The following NAA11 variants were observed in gnomAD, a reference collection of about 807,000 sequenced individuals.
NAA11 encodes the protein N-alpha-acetyltransferase 11.
In NAA11, 15 loss-of-function variants were observed where a neutral mutation model predicts 16.1. That is an observed-to-expected ratio of 0.93 (90% CI 0.62 to 1.44). The LOEUF (loss-of-function observed/expected upper bound fraction) is 1.44, where lower values mean the gene tolerates loss of function less well. NAA11 is among the 40% of genes most tolerant of loss of function. NAA11 has a pLI of 0.00. For missense variants in NAA11, 298 were observed against 291.3 expected, an observed-to-expected ratio of 1.02 and a Z score of -0.17; for synonymous variants, 122 against 112.4, an observed-to-expected ratio of 1.09 and a Z score of -0.54.
rs559922543 is a variant in NAA11 at position 79,317,394 on chromosome 4, A to G, written c.*410T>C. 6.6e-6 allele frequency: 1 copy of G among 152,160 alleles called. No homozygotes were observed. Among genetic ancestry groups the G allele is most frequent in the Non-Finnish European group, 1.5e-5 (1 of 68,072 alleles). The allele number at this position is 152,160 out of a possible 1,614,324, so 9.4% of individuals were successfully genotyped here. On this transcript the variant is annotated 3_prime_UTR_variant, in exon 2 of 2. Coordinates refer to ENST00000286794, the MANE Select transcript of NAA11 (RefSeq NM_032693.3). ...CTCAAGGATGAAAACTCAGGTAAAT[A>G]ATGGTTAAAAAACAAAAACAAAAAC...
chr4:79,296,810 A>G (rs1057276113), intron 1 of NAA11, among the ~76,000 whole-genome samples: 4 of 152,142 alleles, frequency 2.6e-5, no homozygotes, highest in Non-Finnish European at 4.4e-5. Context: ...ATCCCCACCC[A>G]TAGACCACTG....
the NAA11 span, among the ~76,000 whole-genome samples, chr4:79,201,034 T>C: frequency 1.3e-5 from 2 of 151,716 alleles, no homozygotes; most frequent in Non-Finnish European, 2.9e-5. Context: ...TATATAGCGT[T>C]TTATATTGTG....
chr4:79,289,046 AC>A (rs1254836528), intron 2 of NAA11, among the ~76,000 whole-genome samples: 2 of 152,254 alleles, frequency 1.3e-5, no homozygotes, highest in Non-Finnish European at 2.9e-5. Context: ...CAAGGGACAT[AC>A]AAATGGTTTT....
chr4:79,288,179 T>C (rs181234728), intron 2 of NAA11, among the ~76,000 whole-genome samples: 21 of 152,264 alleles, frequency 1.4e-4, no homozygotes, highest in Admixed American at 7.2e-4. Context: ...TGTTTGCTGT[T>C]TTCCTTCTTT....
At chr4:79,243,562 T>C (rs578120018) in intron 2 of NAA11, among the ~76,000 whole-genome samples, 2 of 152,354 alleles carry the variant, frequency 1.3e-5, no homozygotes, top group Admixed American at 1.3e-4. Context: ...CTGCATTTAT[T>C]GTATGTTTAC....
the NAA11 span, among the ~76,000 whole-genome samples, chr4:79,183,553 T>A: frequency 2.0e-5 from 3 of 152,152 alleles, no homozygotes; most frequent in Admixed American, 1.3e-4. Context: ...AGATGAACTC[T>A]TGACCATTGC....
At chr4:79,203,997 A>G in the NAA11 span, among the ~76,000 whole-genome samples, 2 of 151,912 alleles carry the variant, frequency 1.3e-5, no homozygotes, top group Non-Finnish European at 2.9e-5. Context: ...GCATAAATTA[A>G]AATAATATTC....
At chr4:79,253,254 C>A (rs1489017971) in intron 2 of NAA11, among the ~76,000 whole-genome samples, 5 of 152,142 alleles carry the variant, frequency 3.3e-5, no homozygotes, top group Admixed American at 1.3e-4. Flanking sequence ...ATGTGTTACA[C>A]TTAGATGCCT....
intron 2 of NAA11, among the ~76,000 whole-genome samples, chr4:79,288,273 G>A (rs191487624): frequency 6.6e-6 from 1 of 152,140 alleles, no homozygotes; most frequent in Admixed American, 6.6e-5. Flanking sequence ...AATACATAAA[G>A]TACCAAATAT....
At chr4:79,193,054 T>C in the NAA11 span, among the ~76,000 whole-genome samples, 14 of 151,772 alleles carry the variant, frequency 9.2e-5, no homozygotes, top group South Asian at 6.3e-4. Flanking sequence ...TCATATCCTT[T>C]GCCCACTTTT....
At chr4:79,318,824 G>A (rs1420263479) in intron 1 of NAA11, among the ~76,000 whole-genome samples, 1 of 152,132 alleles carries the variant, frequency 6.6e-6, no homozygotes, top group Non-Finnish European at 1.5e-5. Context: ...AAATTAAACT[G>A]AAAAAGTCAA....
At chr4:79,296,960 G>A (rs79191591) in intron 1 of NAA11, among the ~76,000 whole-genome samples, 6,346 of 152,236 alleles carry the variant, frequency 0.042, 481 homozygotes, top group African/African-American at 0.14. Context: ...CATCAGGGAG[G>A]CACAGGCAGT....
chr4:79,252,485 CAATA>C (rs1044845817), intron 2 of NAA11, among the ~76,000 whole-genome samples: 1 of 150,856 alleles, frequency 6.6e-6, no homozygotes, highest in African/African-American at 2.4e-5. Flanking sequence ...AGATAATAAA[CAATA>C]AAATAAATAT....
At chr4:79,181,507 A>G in the NAA11 span, among the ~76,000 whole-genome samples, 1 of 152,232 alleles carries the variant, frequency 6.6e-6, no homozygotes, top group Non-Finnish European at 1.5e-5. Flanking sequence ...GGAAGAAATT[A>G]CACACGCGGT....
At chr4:79,186,957 T>G in the NAA11 span, among the ~76,000 whole-genome samples, 1 of 152,158 alleles carries the variant, frequency 6.6e-6, no homozygotes. Context: ...AGAAACAAAT[T>G]AAGTGTGTGG....
intron 1 of NAA11, among the ~76,000 whole-genome samples, chr4:79,322,885 A>T (rs1257113202): frequency 6.6e-6 from 1 of 152,184 alleles, no homozygotes; most frequent in Non-Finnish European, 1.5e-5. Context: ...TAACCACCAA[A>T]GACTTACTGT....
At chr4:79,243,901 A>G (rs1234418280) in intron 2 of NAA11, among the ~76,000 whole-genome samples, 1 of 152,218 alleles carries the variant, frequency 6.6e-6, no homozygotes, top group Non-Finnish European at 1.5e-5. Flanking sequence ...CCTCTTTCCC[A>G]TGATTCTTCC....
chr4:79,292,349 A>G (rs1292853185), intron 2 of NAA11, among the ~76,000 whole-genome samples: 1 of 152,136 alleles, frequency 6.6e-6, no homozygotes, highest in African/African-American at 2.4e-5. Flanking sequence ...CATGGGTTAA[A>G]CTCAGTTGTC....
At chr4:79,178,560 A>G in the NAA11 span, among the ~76,000 whole-genome samples, 1 of 152,186 alleles carries the variant, frequency 6.6e-6, no homozygotes, top group Admixed American at 6.6e-5. Flanking sequence ...ATGGCTTACT[A>G]TGTGCTTTAT....
Sources: allele counts gnomAD v4.1 joint callset (sites outside exome capture counted in the v4.1 genomes callset), GRCh38; gene constraint gnomAD v4.1.1; transcripts MANE v1.5; gene names NCBI Gene and HGNC (gene_info 2026-07-23, HGNC 2026-07-21).